The following TEX264 variants were observed in gnomAD, a reference collection of about 807,000 sequenced individuals.
TEX264 encodes testis-expressed protein 264.
TEX264 carries 13 observed loss-of-function variants against 23.4 expected under a neutral mutation model. The ratio of observed to expected loss-of-function variants is 0.56; its 90% CI spans 0.36 to 0.88. The LOEUF (loss-of-function observed/expected upper bound fraction) is 0.88, where lower values mean the gene tolerates loss of function less well. Ranked by LOEUF, TEX264 falls within the 40% of genes least tolerant of loss-of-function variation. TEX264 has a pLI of 0.01. For synonymous variants in TEX264, 159 were observed against 170.0 expected, an observed-to-expected ratio of 0.94 and a Z score of 0.50; for missense variants, 340 against 406.8, an observed-to-expected ratio of 0.84 and a Z score of 1.41.
rs1471844334 is a variant in TEX264 at position 51,684,604 on chromosome 3, T to A, written c.450T>A (p.Arg150=). ...TGTCCATCTGGCTGGCTACCCGCCG[T>A]GTCCATCCTGCCTTGGACACCTACA... ...TILSIWLATR[R]VHPALDTYIK... The change falls in exon 3 of 5, where the codon CGT becomes CGA. Residue 150 remains arginine, a synonymous_variant. Transcript: ENST00000341333. 1.9e-6 allele frequency: 3 copies of A among 1,614,108 alleles called. No individual in the cohort carries two copies. Among genetic ancestry groups the A allele is most frequent in the East Asian group, 4.5e-5 (2 of 44,894 alleles).
rs1302055289 is a variant in TEX264 at position 51,674,323 on chromosome 3, C to G, written c.19C>G (p.Leu7Val). 4.3e-6 allele frequency: 7 copies of G among 1,614,224 alleles called. No individual in the cohort carries two copies. In the South Asian group the frequency reaches 7.7e-5, roughly 18 times the overall value. Residue 7 changes from leucine to valine, a missense_variant, in exon 2 of 5, where the codon CTG (leucine) becomes GTG (valine). Leu to Val is a conservative substitution (Grantham distance 32). Coordinates refer to ENST00000341333, the MANE Select transcript of TEX264 (RefSeq NM_015926.6). Reference sequence around the variant, plus strand: ...CAGAGCCATGTCGGACCTGCTACTACTGGGCCTGATTGGGGGCCTGACTCT... The same window carrying G: ...CAGAGCCATGTCGGACCTGCTACTAGTGGGCCTGATTGGGGGCCTGACTCT... MSDLLL[L>V]GLIGGLTLLL...
At chr3:51,696,448 C>G (rs1021562355) in intron 3 of TEX264, among the ~76,000 whole-genome samples, 1 of 152,202 alleles carries the variant, frequency 6.6e-6, no homozygotes. Context: ...ACATATTGCC[C>G]GGGCCATGGC....
intron 2 of TEX264, 62 bp from the exon 3 acceptor site, chr3:51,684,351 G>C (rs1702535966): frequency 6.7e-7 from 1 of 1,489,736 alleles, no homozygotes; most frequent in Admixed American, 1.7e-5. Flanking sequence ...GTCCCAGGAG[G>C]AAGGAGGTCT....
chr3:51,681,439 T>C (rs1702426498), intron 2 of TEX264: 1 of 152,236 alleles, frequency 6.6e-6, no homozygotes. Context: ...TGGTGGGTAC[T>C]TGGGATCAGA....
intron 4 of TEX264, among the ~76,000 whole-genome samples, chr3:51,701,223 G>C (rs1703290214): frequency 6.6e-6 from 1 of 151,990 alleles, no homozygotes; most frequent in Non-Finnish European, 1.5e-5. Context: ...TGCCTTGCCT[G>C]GTATCTTCTG....
intron 1 of TEX264, 52 bp downstream of exon 1, chr3:51,671,340 C>G (rs1702033165): frequency 6.6e-6 from 1 of 152,326 alleles, no homozygotes; most frequent in Non-Finnish European, 1.5e-5. Context: ...AGGTCTGGGA[C>G]TCCCCCTGTC....
In TEX264 at chr3:51,680,994, C is replaced by T. The variant is rs540343106; in HGVS notation, c.259-3419C>T. ...TGTCCCATTTCCTCCTTGCTGGTGCCTTGTTCAGCTGCTTCCCAGCTTCAA... is the reference window on the plus strand; with the variant it reads ...TGTCCCATTTCCTCCTTGCTGGTGCTTTGTTCAGCTGCTTCCCAGCTTCAA... On this transcript the variant is annotated intron_variant, in intron 2 of 4. Transcript: ENST00000341333. Among the ~76,000 whole-genome samples the T allele has an allele frequency of 2.0e-5, 3 of 152,342 alleles. No homozygotes were observed. The East Asian group carries it at 5.8e-4, about 29-fold the overall frequency.
At chr3:51,695,322 A>G (rs1025459741) in intron 3 of TEX264, among the ~76,000 whole-genome samples, 1 of 152,222 alleles carries the variant, frequency 6.6e-6, no homozygotes, top group East Asian at 1.9e-4. Flanking sequence ...CTTGGCCCAC[A>G]CATTGCCTCC....
At chr3:51,690,387 C>A (rs925974869) in intron 3 of TEX264, among the ~76,000 whole-genome samples, 3 of 152,102 alleles carry the variant, frequency 2.0e-5, no homozygotes, top group Non-Finnish European at 4.4e-5. Flanking sequence ...CAAAAATCAG[C>A]TGGGCTTGGT....
At position 51,691,563 on chromosome 3, in the gene TEX264, C is replaced by T. The variant is rs1378127125; in HGVS notation, c.480+6929C>T. Among the ~76,000 whole-genome samples the T allele has an allele frequency of 6.6e-6, 1 of 152,166 alleles. No individual in the cohort carries two copies. Among genetic ancestry groups the T allele is most frequent in the African/African-American group, 2.4e-5 (1 of 41,424 alleles). The stretch of plus-strand genomic sequence containing the variant: ...CACCTATAAGGTAGGCAGTGTTCCC[C>T]AGGTGGGAAGGCAGGTCAGGCAGAG... On this transcript the variant is annotated intron_variant, in intron 3 of 4. Coordinates refer to ENST00000341333, the MANE Select transcript of TEX264 (RefSeq NM_015926.6). The surrounding 1 kb of genome is among the most constrained non-coding windows in gnomAD (Gnocchi z 4.4).
intron 4 of TEX264, among the ~76,000 whole-genome samples, chr3:51,700,672 C>A (rs534322653): frequency 2.0e-5 from 3 of 151,988 alleles, no homozygotes; most frequent in Non-Finnish European, 4.4e-5. Flanking sequence ...CCTGCCTCCC[C>A]CTCCTTGACC....
rs1252560548 is a variant in TEX264 at position 51,703,661 on chromosome 3, C to T, written c.650-63C>T. On this transcript the variant is annotated intron_variant, in intron 4 of 4. Coordinates refer to ENST00000341333, the MANE Select transcript of TEX264 (RefSeq NM_015926.6). The surrounding 1 kb of genome is among the most constrained non-coding windows in gnomAD (Gnocchi z 4.8). ...ATGAGTGCACTGCGTGCTGAGTTGCCTCTCCCTGGAGGAGGGGGTGGGGTG... is the reference window on the plus strand; with the variant it reads ...ATGAGTGCACTGCGTGCTGAGTTGCTTCTCCCTGGAGGAGGGGGTGGGGTG... 6.6e-7 allele frequency: 1 copy of T among 1,509,648 alleles called. No individual in the cohort carries two copies. Among genetic ancestry groups the T allele is most frequent in the African/African-American group, 1.4e-5 (1 of 72,038 alleles). The allele number at this position is 1,509,648 out of a possible 1,614,324, so 93.5% of individuals were successfully genotyped here. A position where few individuals can be genotyped will look rare whatever the true frequency, so the allele number is the denominator to read the frequency against.
intron 4 of TEX264, among the ~76,000 whole-genome samples, chr3:51,701,869 T>C (rs372848012): frequency 2.0e-5 from 3 of 152,278 alleles, no homozygotes; most frequent in South Asian, 4.1e-4. Context: ...TGACCTCATG[T>C]GATCCACCTG....
chr3:51,701,173 G>A (rs1703288171), intron 4 of TEX264, among the ~76,000 whole-genome samples: 1 of 152,182 alleles, frequency 6.6e-6, no homozygotes, highest in African/African-American at 2.4e-5. Flanking sequence ...TGGGCTTCAA[G>A]TCCCCTGCCC....
At chr3:51,689,232 T>C (rs1371569253) in intron 3 of TEX264, among the ~76,000 whole-genome samples, 1 of 152,018 alleles carries the variant, frequency 6.6e-6, no homozygotes, top group Non-Finnish European at 1.5e-5. Context: ...GAGACCAGCC[T>C]GGACAACATG....
intron 4 of TEX264, among the ~76,000 whole-genome samples, chr3:51,701,563 G>A (rs1703305946): frequency 6.6e-6 from 1 of 152,068 alleles, no homozygotes; most frequent in Non-Finnish European, 1.5e-5. Flanking sequence ...TAGCTCAAGT[G>A]ATCCTGCCTC....
intron 3 of TEX264, among the ~76,000 whole-genome samples, chr3:51,696,433 C>T (rs1422259022): frequency 1.3e-5 from 2 of 152,212 alleles, no homozygotes; most frequent in Non-Finnish European, 2.9e-5. Context: ...TTTACTGGCT[C>T]ATTGACATAT....
rs369013696 is a variant in TEX264, at chr3:51,703,851, C to G, written c.777C>G (p.Ser259Arg). 1 of 1,612,910 alleles carries G rather than the reference C, an allele frequency of 6.2e-7. No homozygotes were observed. The highest frequency in any genetic ancestry group is 1.1e-5 in the South Asian group (1 of 91,052). Residue 259 changes from serine (S) to arginine (R), a missense_variant, in exon 5 of 5, where the codon AGC becomes AGG. Physicochemically the swap from Ser to Arg is moderately radical, Grantham distance 110. Transcript: ENST00000341333. The surrounding 1 kb of genome is among the most constrained non-coding windows in gnomAD (Gnocchi z 4.8). ...GCTGGGATGACGGTGACACCCGCAG[C>G]GAGCACAGCTACAGCGAGTCAGGTG... ...SRGWDDGDTR[S>R]EHSYSESGAS...
chr3:51,671,375 T>G (rs996663644), intron 1 of TEX264, 87 bp downstream of exon 1: 116 of 152,596 alleles, frequency 7.6e-4, no homozygotes, highest in Non-Finnish European at 2.3e-4. Flanking sequence ...CTCAGGACTC[T>G]CCGTGTCCCC....
Sources: allele counts gnomAD v4.1 joint callset (sites outside exome capture counted in the v4.1 genomes callset), GRCh38; gene constraint gnomAD v4.1.1; non-coding constraint Gnocchi (gnomAD v3.1); transcripts MANE v1.5; gene names NCBI Gene and HGNC (gene_info 2026-07-23, HGNC 2026-07-21).